MDGA2: variants seen among roughly 807,000 people sequenced by gnomAD.
MDGA2 encodes MAM domain containing glycosylphosphatidylinositol anchor 2.
Under a neutral mutation model 117.8 loss-of-function variants are expected in MDGA2, and 40 were observed. That is an observed-to-expected ratio of 0.34 (90% CI 0.26 to 0.44). The LOEUF is 0.44. Ranked by LOEUF, MDGA2 falls within the 20% of genes least tolerant of loss-of-function variation. The pLI is 1.00. For missense variants in MDGA2, 1,123 were observed against 1,250.6 expected, an observed-to-expected ratio of 0.90 and a Z score of 1.54; for synonymous variants, 452 against 439.0, an observed-to-expected ratio of 1.03 and a Z score of -0.37.
intron 2 of MDGA2, among the ~76,000 whole-genome samples, chr14:47,232,542 C>G (rs1337457681): frequency 6.6e-6 from 1 of 152,058 alleles, no homozygotes; most frequent in East Asian, 1.9e-4. Context: ...TAAACCTTTT[C>G]TCCCTTCACT....
intron 8 of MDGA2, among the ~76,000 whole-genome samples, chr14:46,966,308 C>T (rs1393337025): frequency 6.6e-6 from 1 of 152,122 alleles, no homozygotes; most frequent in South Asian, 2.1e-4. Flanking sequence ...TAAAAACAGC[C>T]TATGTCACAT....
intron 2 of MDGA2, among the ~76,000 whole-genome samples, chr14:47,239,555 T>C (rs1049001844): frequency 6.6e-6 from 1 of 151,856 alleles, no homozygotes; most frequent in African/African-American, 2.4e-5. Flanking sequence ...CAATTTTAAT[T>C]GAAGAGAATT....
intron 16 of MDGA2, among the ~76,000 whole-genome samples, chr14:46,845,516 CAA>C (rs959809108): frequency 6.6e-6 from 1 of 152,034 alleles, no homozygotes; most frequent in African/African-American, 2.4e-5. Context: ...AATTAAAAAT[CAA>C]AGTGTACTTG....
intron 3 of MDGA2, among the ~76,000 whole-genome samples, chr14:47,175,778 T>C (rs1422530383): frequency 2.1e-5 from 3 of 146,186 alleles, no homozygotes; most frequent in East Asian, 2.0e-4. Flanking sequence ...CTATTCAACA[T>C]AGTGTTGGAA....
chr14:47,238,302 A>T (rs1048528764), intron 2 of MDGA2, among the ~76,000 whole-genome samples: 1 of 152,324 alleles, frequency 6.6e-6, no homozygotes, highest in South Asian at 2.1e-4. Flanking sequence ...TAAAAAATAT[A>T]ACTTTCATGT....
chr14:47,309,964 G>A (rs963878922), intron 1 of MDGA2, among the ~76,000 whole-genome samples: 2 of 152,004 alleles, frequency 1.3e-5, no homozygotes, highest in African/African-American at 2.4e-5. Flanking sequence ...TATTTTCTGT[G>A]TAAAAACTAT....
rs912235606 is a variant in MDGA2, at chr14:47,385,857, T to G, written c.281-84307A>C. ...TTGCTTACCTATTTTATAATGTTGA[T>G]AAATCCCAAAACTGTAATCACTAAC... On this transcript the variant is annotated intron_variant, in intron 1 of 16. Coordinates refer to ENST00000399232, the MANE Select transcript of MDGA2 (RefSeq NM_001113498.3). Among the ~76,000 whole-genome samples the G allele has an allele frequency of 5.9e-5, 9 of 152,292 alleles. No individual in the cohort carries two copies. In the East Asian group the frequency reaches 1.7e-3, roughly 29 times the overall value.
At chr14:47,125,602 A>T (rs931495342) in intron 5 of MDGA2, among the ~76,000 whole-genome samples, 1 of 152,100 alleles carries the variant, frequency 6.6e-6, no homozygotes, top group Non-Finnish European at 1.5e-5. Flanking sequence ...AAGGAAAAAA[A>T]ATTGAAGAAT....
At chr14:47,573,288 G>A (rs1200713453) in intron 1 of MDGA2, among the ~76,000 whole-genome samples, 1 of 152,148 alleles carries the variant, frequency 6.6e-6, no homozygotes, top group Non-Finnish European at 1.5e-5. Context: ...TGTTTTCCAA[G>A]CAGTTGAGTA....
intron 2 of MDGA2, among the ~76,000 whole-genome samples, chr14:47,245,284 C>T (rs778029759): frequency 6.6e-6 from 1 of 151,840 alleles, no homozygotes; most frequent in Non-Finnish European, 1.5e-5. Flanking sequence ...CCCTCTTGGC[C>T]TTATGATTTT....
intron 2 of MDGA2, among the ~76,000 whole-genome samples, chr14:47,266,853 T>C (rs1887982189): frequency 1.3e-5 from 2 of 152,210 alleles, no homozygotes; most frequent in African/African-American, 4.8e-5. Flanking sequence ...CATAGCCTTT[T>C]TGGGCTCTCA....
At chr14:47,550,456 A>G (rs1955801) in intron 1 of MDGA2, among the ~76,000 whole-genome samples, 114,173 of 152,064 alleles carry the variant, frequency 0.75, 43,301 homozygotes, top group East Asian at 1. Context: ...TAAAAGCCAT[A>G]CTCTATAAAT....
At chr14:47,470,657 T>C (rs1014387216) in intron 1 of MDGA2, among the ~76,000 whole-genome samples, 1 of 152,146 alleles carries the variant, frequency 6.6e-6, no homozygotes, top group Non-Finnish European at 1.5e-5. Flanking sequence ...GGTAGAATGG[T>C]ATTTCTAGTT....
intron 1 of MDGA2, among the ~76,000 whole-genome samples, chr14:47,502,676 T>C (rs1566488047): frequency 1.3e-5 from 2 of 152,016 alleles, no homozygotes; most frequent in South Asian, 2.1e-4. Context: ...ATTATTTGTA[T>C]TTTTTTGGGG....
chr14:47,049,728 T>G (rs1200119349), intron 7 of MDGA2, among the ~76,000 whole-genome samples: 1 of 152,010 alleles, frequency 6.6e-6, no homozygotes, highest in African/African-American at 2.4e-5. Context: ...TCCTTTCATA[T>G]TCTGCATAGA....
chr14:47,270,069 C>T (rs1888095934), intron 2 of MDGA2, among the ~76,000 whole-genome samples: 1 of 152,150 alleles, frequency 6.6e-6, no homozygotes, highest in Non-Finnish European at 1.5e-5. Flanking sequence ...TCTGAGGCTG[C>T]ACGGCTGCTG....
intron 3 of MDGA2, among the ~76,000 whole-genome samples, 192 bp downstream of exon 3, chr14:47,217,829 T>C (rs1335905643): frequency 1.3e-5 from 2 of 152,132 alleles, no homozygotes; most frequent in Non-Finnish European, 2.9e-5. Flanking sequence ...ATATGTATTA[T>C]ATCATAGAAG....
chr14:47,306,681 A>G (rs1002983741), intron 1 of MDGA2, among the ~76,000 whole-genome samples: 1 of 152,164 alleles, frequency 6.6e-6, no homozygotes, highest in Non-Finnish European at 1.5e-5. Flanking sequence ...AAGGTAACAG[A>G]TCTGTTTAGT....
At chr14:46,901,021 A>G (rs947249257) in intron 10 of MDGA2, among the ~76,000 whole-genome samples, 1 of 152,148 alleles carries the variant, frequency 6.6e-6, no homozygotes, top group African/African-American at 2.4e-5. Flanking sequence ...TGATTTTAAA[A>G]AGAAAAAAAA....
Sources: allele counts gnomAD v4.1 joint callset (sites outside exome capture counted in the v4.1 genomes callset), GRCh38; gene constraint gnomAD v4.1.1; transcripts MANE v1.5; gene names NCBI Gene and HGNC (gene_info 2026-07-23, HGNC 2026-07-21).